SRGAP1: variants seen among roughly 807,000 people sequenced by gnomAD.
SRGAP1 encodes SLIT-ROBO Rho GTPase activating protein 1, also known as SLIT-ROBO Rho GTPase-activating protein 1.
In SRGAP1, 43 loss-of-function variants were observed where a neutral mutation model predicts 121.9. The observed-to-expected ratio is 0.35, with a 90% CI of 0.28 to 0.46. The LOEUF (loss-of-function observed/expected upper bound fraction) is 0.46. Ranked by LOEUF, SRGAP1 falls within the 20% of genes least tolerant of loss-of-function variation. The pLI is 1.00. For synonymous variants in SRGAP1, 447 were observed against 485.4 expected (o/e 0.92, Z 1.04); for missense variants, 1,102 against 1,350.9 (o/e 0.82, Z 2.89).
At chr12:63,986,431 T>C (rs1252446991) in intron 2 of SRGAP1, among the ~76,000 whole-genome samples, 4 of 152,110 alleles carry the variant, frequency 2.6e-5, no homozygotes, top group African/African-American at 9.7e-5. Flanking sequence ...TCAGTAATTT[T>C]TTTTTTTTTT....
chr12:64,128,388 T>A (rs1416825566), intron 21 of SRGAP1, among the ~76,000 whole-genome samples, 188 bp downstream of exon 21: 1 of 152,204 alleles, frequency 6.6e-6, no homozygotes, highest in African/African-American at 2.4e-5. Flanking sequence ...AACAATTTGT[T>A]ACTGAAAGGG....
At chr12:63,920,419 T>C (rs1395904431) in intron 1 of SRGAP1, among the ~76,000 whole-genome samples, 3 of 152,142 alleles carry the variant, frequency 2.0e-5, no homozygotes, top group Non-Finnish European at 4.4e-5. Context: ...AGAAGTGAGC[T>C]GGAGATACAA....
rs181475499 is a variant in SRGAP1 at position 64,146,420 on chromosome 12, A to G, written c.*3748A>G. ...TTTATAATTTAAAGAAAAGGAAAAG[A>G]GGCGTGGGTTGGTAGTTGTGTCCTT... On this transcript the variant is annotated 3_prime_UTR_variant, in exon 22 of 22. Coordinates refer to ENST00000355086, the MANE Select transcript of SRGAP1 (RefSeq NM_020762.4). 60 of 152,316 alleles carry G rather than the reference A, an allele frequency of 3.9e-4. No individual in the cohort carries two copies. The highest frequency in any genetic ancestry group is 1.4e-3 in the African/African-American group (59 of 41,562). 9.4% of individuals were successfully genotyped at this position (152,316 alleles called of 1,614,324 possible). A position where few individuals can be genotyped will look rare whatever the true frequency, so the allele number is the denominator to read the frequency against.
At chr12:63,926,808 A>C (rs1024981423) in intron 1 of SRGAP1, among the ~76,000 whole-genome samples, 6 of 152,080 alleles carry the variant, frequency 3.9e-5, no homozygotes, top group African/African-American at 1.2e-4. Flanking sequence ...CCAATGTGAA[A>C]CTTTGTACTC....
At chr12:64,085,723 C>T (rs762238981) in intron 10 of SRGAP1, among the ~76,000 whole-genome samples, 7 of 152,160 alleles carry the variant, frequency 4.6e-5, no homozygotes, top group Non-Finnish European at 1.0e-4. Flanking sequence ...ACACCTTCAC[C>T]TTTTTCTTCT....
At chr12:63,993,492 C>T (rs2033611779) in intron 3 of SRGAP1, among the ~76,000 whole-genome samples, 1 of 152,148 alleles carries the variant, frequency 6.6e-6, no homozygotes, top group Non-Finnish European at 1.5e-5. Flanking sequence ...CATTAGTGAG[C>T]ATAATGCTTG....
chr12:64,107,573 A>G (rs886533204), intron 15 of SRGAP1, among the ~76,000 whole-genome samples: 4 of 152,186 alleles, frequency 2.6e-5, no homozygotes, highest in Non-Finnish European at 4.4e-5. Flanking sequence ...TAACCTTGCA[A>G]CTGGATGAGG....
chr12:63,949,039 TTTC>T (rs1250763993), intron 1 of SRGAP1, among the ~76,000 whole-genome samples: 1 of 145,854 alleles, frequency 6.9e-6, no homozygotes, highest in Non-Finnish European at 1.5e-5. Context: ...ATATATGTAT[TTTC>T]CATATATGTA....
intron 1 of SRGAP1, among the ~76,000 whole-genome samples, chr12:63,912,628 A>AG (rs1565947411): frequency 6.6e-6 from 1 of 151,896 alleles, no homozygotes; most frequent in African/African-American, 2.4e-5. Flanking sequence ...GAAAGAAAAA[A>AG]AAAATCAGCA....
intron 17 of SRGAP1, 139 bp from the exon 18 acceptor site, chr12:64,115,675 C>CA: frequency 1.7e-6 from 1 of 596,634 alleles, no homozygotes. Flanking sequence ...GTAGGAGGAT[C>CA]ACTTGAGCCT....
intron 1 of SRGAP1, chr12:63,982,399 C>A (rs1788508665): frequency 6.6e-6 from 1 of 152,124 alleles, no homozygotes; most frequent in Non-Finnish European, 1.5e-5. Context: ...GAAGATAATA[C>A]TAAAACCTAC....
At chr12:63,850,596 A>AT (rs34957489) in intron 1 of SRGAP1, among the ~76,000 whole-genome samples, 1,257 of 124,300 alleles carry the variant, frequency 0.01, 10 homozygotes, top group African/African-American at 0.024. Context: ...ATACCTGGCT[A>AT]TTTTTTTTTT....
intron 1 of SRGAP1, among the ~76,000 whole-genome samples, chr12:63,862,877 C>G (rs142083375): frequency 6.6e-6 from 1 of 152,300 alleles, no homozygotes; most frequent in African/African-American, 2.4e-5. Flanking sequence ...AGGGGAGATT[C>G]CAGAACTCAG....
chr12:63,951,370 G>A (rs113605934), intron 1 of SRGAP1, among the ~76,000 whole-genome samples: 2 of 151,884 alleles, frequency 1.3e-5, no homozygotes, highest in African/African-American at 4.8e-5. Flanking sequence ...CGCCATGTTG[G>A]CCAGGCTGGT....
chr12:63,880,200 T>C (rs983418565), intron 1 of SRGAP1, among the ~76,000 whole-genome samples: 1 of 152,120 alleles, frequency 6.6e-6, no homozygotes, highest in African/African-American at 2.4e-5. Flanking sequence ...TTGTGAAGCC[T>C]CCCCAGCCAT....
chr12:63,902,935 AAC>A (rs1409308459), intron 1 of SRGAP1, among the ~76,000 whole-genome samples: 17 of 152,140 alleles, frequency 1.1e-4, no homozygotes, highest in Admixed American at 1.1e-3. Context: ...TTAGATTGTA[AAC>A]AGTTTAAGAA....
chr12:64,081,569 A>T (rs2035842184), intron 10 of SRGAP1: 1 of 152,136 alleles, frequency 6.6e-6, no homozygotes, highest in Non-Finnish European at 1.5e-5. Context: ...ATTAAATTAG[A>T]TACTGAATCA....
At chr12:63,972,148 G>A (rs987378187) in intron 1 of SRGAP1, among the ~76,000 whole-genome samples, 1 of 152,192 alleles carries the variant, frequency 6.6e-6, no homozygotes, top group African/African-American at 2.4e-5. Context: ...GAGCCCAGGA[G>A]TTAGAGACAA....
chr12:64,108,870 C>T (rs763560708), intron 15 of SRGAP1, 62 bp from the exon 16 acceptor site: 64 of 1,176,942 alleles, frequency 5.4e-5, no homozygotes, highest in Non-Finnish European at 6.2e-5. Flanking sequence ...ACATGTACTG[C>T]AGTGTTCTGT....
Sources: gnomAD v4.1 joint callset for allele counts (sites outside exome capture counted in the v4.1 genomes callset) on GRCh38, gnomAD v4.1.1 for gene constraint, MANE v1.5 for transcripts, NCBI Gene and HGNC (gene_info 2026-07-23, HGNC 2026-07-21) for gene names.